The following FMNL2 variants were observed in gnomAD, a reference collection of about 807,000 sequenced individuals.
FMNL2 encodes formin-like protein 2.
FMNL2 carries 51 observed loss-of-function variants against 130.2 expected under a neutral mutation model. The ratio of observed to expected loss-of-function variants is 0.39; its 90% CI spans 0.31 to 0.49. FMNL2 has a LOEUF of 0.49. Among genes scored for constraint, FMNL2 ranks in the 20% least tolerant of loss-of-function variants. FMNL2 has a pLI of 0.85. For missense variants in FMNL2, 977 were observed against 1,316.2 expected, an observed-to-expected ratio of 0.74 and a Z score of 3.99; for synonymous variants, 465 against 467.1, an observed-to-expected ratio of 1.00 and a Z score of 0.06.
intron 1 of FMNL2, among the ~76,000 whole-genome samples, chr2:152,344,591 C>A (rs1682007731): frequency 6.6e-6 from 1 of 152,068 alleles, no homozygotes. Context: ...AAATGACCAC[C>A]AAATTATCAT....
chr2:152,579,858 T>G (rs1696683770), intron 8 of FMNL2, among the ~76,000 whole-genome samples: 1 of 152,244 alleles, frequency 6.6e-6, no homozygotes, highest in Non-Finnish European at 1.5e-5. Flanking sequence ...GTGCTTTCCA[T>G]TTTGGTGAAG....
chr2:152,487,088 G>C (rs960503300), intron 1 of FMNL2, among the ~76,000 whole-genome samples: 1 of 152,166 alleles, frequency 6.6e-6, no homozygotes, highest in Non-Finnish European at 1.5e-5. Context: ...ATGTTAGGCA[G>C]TTTTGTAATA....
chr2:152,627,033 C>A (rs1288832365), intron 17 of FMNL2, among the ~76,000 whole-genome samples: 1 of 152,220 alleles, frequency 6.6e-6, no homozygotes, highest in East Asian at 1.9e-4. Flanking sequence ...GGTCTACTCT[C>A]TTATGCGGGC....
intron 1 of FMNL2, among the ~76,000 whole-genome samples, chr2:152,445,176 A>C (rs1688268766): frequency 6.6e-6 from 1 of 152,254 alleles, no homozygotes; most frequent in Non-Finnish European, 1.5e-5. Flanking sequence ...TTTACACTCC[A>C]GTCTGTGTTT....
intron 1 of FMNL2, among the ~76,000 whole-genome samples, chr2:152,360,931 ACTT>A (rs1438218785): frequency 2.0e-5 from 3 of 152,192 alleles, no homozygotes; most frequent in African/African-American, 7.2e-5. Context: ...TGTTTATAAG[ACTT>A]CTTAAGTCTT....
chr2:152,358,651 T>A (rs989553744), intron 1 of FMNL2, among the ~76,000 whole-genome samples: 17 of 146,904 alleles, frequency 1.2e-4, no homozygotes, highest in Non-Finnish European at 2.4e-4. Flanking sequence ...AAAAAAAAAA[T>A]TCTGTGAATA....
At chr2:152,375,574 A>G (rs1684106500) in intron 1 of FMNL2, among the ~76,000 whole-genome samples, 1 of 152,102 alleles carries the variant, frequency 6.6e-6, no homozygotes, top group Admixed American at 6.5e-5. Context: ...ATCTATACAT[A>G]TAGTATTCTA....
At chr2:152,594,385 C>G (rs1697642134) in intron 9 of FMNL2, among the ~76,000 whole-genome samples, 1 of 152,180 alleles carries the variant, frequency 6.6e-6, no homozygotes, top group Non-Finnish European at 1.5e-5. Flanking sequence ...ATGTTTGAGG[C>G]CAGTTGGCAG....
At chr2:152,593,860 AGT>A (rs70974873) in intron 9 of FMNL2, among the ~76,000 whole-genome samples, 1,779 of 112,808 alleles carry the variant, frequency 0.016, 29 homozygotes, top group East Asian at 0.043. Flanking sequence ...AGAGAGAGAG[AGT>A]GTGTGTGTGT....
chr2:152,393,207 A>C (rs188270161), intron 1 of FMNL2, among the ~76,000 whole-genome samples: 23 of 152,332 alleles, frequency 1.5e-4, no homozygotes, highest in Non-Finnish European at 2.5e-4. Flanking sequence ...CTGTGGTATC[A>C]ACACTTTAAT....
At chr2:152,589,953 A>ATG (rs1167081062) in intron 9 of FMNL2, among the ~76,000 whole-genome samples, 1 of 8,880 alleles carries the variant, frequency 1.1e-4, no homozygotes, top group Middle Eastern at 0.028. Context: ...ATATATATAT[A>ATG]TATATATATA....
At chr2:152,545,943 G>A (rs1320980620) in intron 3 of FMNL2, among the ~76,000 whole-genome samples, 1 of 152,224 alleles carries the variant, frequency 6.6e-6, no homozygotes, top group Non-Finnish European at 1.5e-5. Flanking sequence ...TTATCAGGCA[G>A]TTGCAGAAGG....
chr2:152,534,942 G>T (rs117329609), intron 2 of FMNL2, among the ~76,000 whole-genome samples: 1 of 152,278 alleles, frequency 6.6e-6, no homozygotes, highest in East Asian at 1.9e-4. Flanking sequence ...ATTCAGAGCT[G>T]AAGAATGTTT....
At chr2:152,371,472 C>T (rs958988108) in intron 1 of FMNL2, among the ~76,000 whole-genome samples, 14 of 151,840 alleles carry the variant, frequency 9.2e-5, no homozygotes, top group Admixed American at 1.3e-4. Context: ...AGATTGAAAC[C>T]ATCCTGGCCA....
At chr2:152,643,900 TAAC>T in intron 25 of FMNL2, 1 of 984,794 alleles carries the variant, frequency 1.0e-6, no homozygotes, top group Non-Finnish European at 1.2e-6. Flanking sequence ...TATCCATTAA[TAAC>T]AATAACTGCT....
chr2:152,543,886 T>C (rs890329512), intron 3 of FMNL2, among the ~76,000 whole-genome samples: 2 of 152,108 alleles, frequency 1.3e-5, no homozygotes, highest in African/African-American at 4.8e-5. Flanking sequence ...TCACTGGCTG[T>C]ATGTCATATG....
At chr2:152,611,329 A>C (rs1698670499) in intron 10 of FMNL2, among the ~76,000 whole-genome samples, 166 bp from the exon 11 acceptor site, 1 of 152,008 alleles carries the variant, frequency 6.6e-6, no homozygotes, top group Non-Finnish European at 1.5e-5. Flanking sequence ...ACAGAGCAAG[A>C]CTCCATTTCC....
intron 1 of FMNL2, among the ~76,000 whole-genome samples, chr2:152,495,653 C>CAAAAAAAAAAAAAAAAAAAAAAAAAA (rs55989531): frequency 4.1e-5 from 2 of 48,558 alleles, no homozygotes; most frequent in East Asian, 5.6e-4. Flanking sequence ...TCCGTCTCAC[C>CAAAAAAAAAAAAAAAAAAAAAAAAAA]AAAAAAAAAA....
At chr2:152,631,775 T>C (rs1298566780) in intron 20 of FMNL2, among the ~76,000 whole-genome samples, 1 of 152,042 alleles carries the variant, frequency 6.6e-6, no homozygotes, top group Non-Finnish European at 1.5e-5. Context: ...GTGCTTAGAG[T>C]CATCCCTATA....
Sources: allele counts gnomAD v4.1 joint callset (sites outside exome capture counted in the v4.1 genomes callset), GRCh38; gene constraint gnomAD v4.1.1; transcripts MANE v1.5; gene names NCBI Gene and HGNC (gene_info 2026-07-23, HGNC 2026-07-21).